Variants in PXN observed in about 807,000 individuals in gnomAD.
The protein encoded by PXN is testicular tissue protein Li 134.
Under a neutral mutation model 103.6 loss-of-function variants are expected in PXN, and 61 were observed. The ratio of observed to expected loss-of-function variants is 0.59; its 90% CI spans 0.48 to 0.73. PXN has a LOEUF of 0.73. Among genes scored for constraint, PXN ranks in the 30% least tolerant of loss-of-function variants. The pLI, the probability that PXN is intolerant of heterozygous loss-of-function variation, is 0.00. For synonymous variants in PXN, 562 were observed against 607.8 expected (o/e 0.92, Z 1.11); for missense variants, 1,274 against 1,460.3 (o/e 0.87, Z 2.08).
intron 1 of PXN, among the ~76,000 whole-genome samples, chr12:120,237,316 G>A (rs1320687864): frequency 5.3e-5 from 8 of 151,830 alleles, no homozygotes; most frequent in East Asian, 1.9e-4. Context: ...GTGCCAACAC[G>A]CCCTGCTAAT....
intron 1 of PXN, among the ~76,000 whole-genome samples, chr12:120,251,244 A>G (rs1025006433): frequency 6.7e-6 from 1 of 149,306 alleles, no homozygotes; most frequent in African/African-American, 2.5e-5. Flanking sequence ...AAGGCCCGGC[A>G]TGGTGGCTCA....
chr12:120,263,113 AC>A (rs1371153759), intron 1 of PXN, among the ~76,000 whole-genome samples: 1 of 152,156 alleles, frequency 6.6e-6, no homozygotes, highest in Non-Finnish European at 1.5e-5. Flanking sequence ...CAGGAGGCAC[AC>A]GGCTGAGAGC....
Position 120,220,533 on chromosome 12 carries a change from C to T in PXN, c.832-442G>A, listed in dbSNP as rs1884802522. On this transcript the variant is annotated intron_variant, in intron 6 of 14. Coordinates refer to ENST00000637617, the MANE Select transcript of PXN (RefSeq NM_001385981.1). The surrounding 1 kb of genome is among the most constrained non-coding windows in gnomAD (Gnocchi z 6.1). ...CTACACCCCAAGTCCTCTACGTCTT[C>T]CACATCCTTGCTCCAGGGATCTGAC... Among the ~76,000 whole-genome samples, 1 of 152,208 alleles carries T rather than the reference C, an allele frequency of 6.6e-6. No homozygotes were observed. Among genetic ancestry groups the T allele is most frequent in the Non-Finnish European group, 1.5e-5 (1 of 68,046 alleles).
At chr12:120,242,563 C>A (rs535967703) in intron 1 of PXN, among the ~76,000 whole-genome samples, 133 of 152,302 alleles carry the variant, frequency 8.7e-4, no homozygotes, top group African/African-American at 2.8e-3. Context: ...CCAGCCCCAG[C>A]TGACCACAGA....
chr12:120,229,390 G>A lies in PXN; in HGVS notation c.14-5013C>T, dbSNP rs537022624. On this transcript the variant is annotated intron_variant, in intron 1 of 14. Transcript: ENST00000637617. The surrounding 1 kb of genome is among the most constrained non-coding windows in gnomAD (Gnocchi z 4.0). Reference sequence around the variant, plus strand: ...GCTGGACAGGTGCCAAGAGAGAGGAGATAAAAGTCCATCTCTCTGAGGGGG... The same window carrying A: ...GCTGGACAGGTGCCAAGAGAGAGGAAATAAAAGTCCATCTCTCTGAGGGGG... Among the ~76,000 whole-genome samples, 1 of 152,286 alleles carries A rather than the reference G, an allele frequency of 6.6e-6. No homozygotes were observed. The highest frequency in any genetic ancestry group is 2.4e-5 in the African/African-American group (1 of 41,548).
chr12:120,241,867 G>A (rs1890206578), intron 1 of PXN, among the ~76,000 whole-genome samples: 1 of 152,226 alleles, frequency 6.6e-6, no homozygotes, highest in South Asian at 2.1e-4. Context: ...CACTCAGGCA[G>A]GGGAGATCAG....
Position 120,222,440 on chromosome 12 carries a change from G to A in PXN, c.695+109C>T, listed in dbSNP as rs1319092208. 2 of 1,237,614 alleles carry A rather than the reference G, an allele frequency of 1.6e-6. No individual in the cohort carries two copies. Among genetic ancestry groups the A allele is most frequent in the Non-Finnish European group, 2.2e-6 (2 of 906,720 alleles). 76.7% of individuals were successfully genotyped at this position (1,237,614 alleles called of 1,614,324 possible). A position where few individuals can be genotyped will look rare whatever the true frequency, so the allele number is the denominator to read the frequency against. On this transcript the variant is annotated intron_variant, in intron 5 of 14. Transcript: ENST00000637617. This position sits in a 1 kb window ranked among gnomAD's most constrained non-coding sequence, Gnocchi z 4.7. ...CTATCCCCCCAGTGCCTGGCAAATG[G>A]CAGACACGGGAGGGAGTGGGTGATA...
At chr12:120,245,539 G>C (rs550180475) in intron 1 of PXN, among the ~76,000 whole-genome samples, 1 of 151,982 alleles carries the variant, frequency 6.6e-6, no homozygotes, top group South Asian at 2.1e-4. Context: ...TGTAATCCCA[G>C]CACTTTGGGA....
intron 1 of PXN, among the ~76,000 whole-genome samples, chr12:120,256,379 G>A (rs1425041697): frequency 6.6e-6 from 1 of 151,992 alleles, no homozygotes; most frequent in African/African-American, 2.4e-5. Flanking sequence ...CTTCATCCTG[G>A]GCAAGAGAAC....
rs1358179798 is a variant in PXN, at chr12:120,224,951, A to C, written c.14-574T>G. The C allele has an allele frequency of 2.9e-6, 1 of 347,690 alleles. No individual in the cohort carries two copies. Among genetic ancestry groups the C allele is most frequent in the Non-Finnish European group, 5.7e-6 (1 of 174,302 alleles). 21.5% of individuals were successfully genotyped at this position (347,690 alleles called of 1,614,324 possible). On this transcript the variant is annotated intron_variant, in intron 1 of 14. Coordinates refer to ENST00000637617, the MANE Select transcript of PXN (RefSeq NM_001385981.1). This position sits in a 1 kb window ranked among gnomAD's most constrained non-coding sequence, Gnocchi z 5.0. Reference sequence around the variant, plus strand: ...GGCTTATGGGGTAAGGTGTGCGGGGAGGTGGGGGCTGGAGTGAGGCTGGTG... The same window carrying C: ...GGCTTATGGGGTAAGGTGTGCGGGGCGGTGGGGGCTGGAGTGAGGCTGGTG...
intron 1 of PXN, among the ~76,000 whole-genome samples, chr12:120,257,301 GCTC>G (rs1893166600): frequency 6.6e-6 from 1 of 152,120 alleles, no homozygotes; most frequent in South Asian, 2.1e-4. Context: ...AATTACCTGA[GCTC>G]CAGCCAAGAA....
rs1885333481 is a variant in PXN at position 120,222,078 on chromosome 12, T to G, written c.696-320A>C. The stretch of plus-strand genomic sequence containing the variant: ...TACTGCAGTAACACGACGGCACTGG[T>G]AAGAGCTCGCGTGTTGGGCACTCAC... On this transcript the variant is annotated intron_variant, in intron 5 of 14. Transcript: ENST00000637617. The surrounding 1 kb of genome is among the most constrained non-coding windows in gnomAD (Gnocchi z 4.7). Among the ~76,000 whole-genome samples, 1 of 152,150 alleles carries G rather than the reference T, an allele frequency of 6.6e-6. No individual in the cohort carries two copies. Among genetic ancestry groups the G allele is most frequent in the Non-Finnish European group, 1.5e-5 (1 of 68,008 alleles).
In PXN at chr12:120,217,206, A is replaced by G. The variant is rs1883424318; in HGVS notation, c.1717-90T>C. The G allele has an allele frequency of 8.9e-7, 1 of 1,119,388 alleles. No homozygotes were observed. Among genetic ancestry groups the G allele is most frequent in the South Asian group, 1.4e-5 (1 of 72,922 alleles). 69.3% of individuals were successfully genotyped at this position (1,119,388 alleles called of 1,614,324 possible). On this transcript the variant is annotated intron_variant, in intron 7 of 14. Transcript: ENST00000637617. The surrounding 1 kb of genome is among the most constrained non-coding windows in gnomAD (Gnocchi z 4.1). Reference sequence around the variant, plus strand: ...CACACTCAGATGCCTCAGGAGAGGGAGCACAAAAGAAAACCACCAAAGAAC... The same window carrying G: ...CACACTCAGATGCCTCAGGAGAGGGGGCACAAAAGAAAACCACCAAAGAAC...
At chr12:120,233,399 C>T (rs1328429734) in intron 1 of PXN, among the ~76,000 whole-genome samples, 6 of 152,090 alleles carry the variant, frequency 3.9e-5, no homozygotes, top group Non-Finnish European at 4.4e-5. Flanking sequence ...CTCCACCTCC[C>T]GGGTTCAAAT....
intron 1 of PXN, among the ~76,000 whole-genome samples, chr12:120,240,094 C>T (rs946451550): frequency 6.6e-6 from 1 of 152,120 alleles, no homozygotes; most frequent in African/African-American, 2.4e-5. Flanking sequence ...GCTCAGTTCC[C>T]TCATCTATAG....
Position 120,265,572 on chromosome 12 carries a change from T to C in PXN, c.13+45A>G, listed in dbSNP as rs1312400379. 8 of 1,478,428 alleles carry C rather than the reference T, an allele frequency of 5.4e-6. No homozygotes were observed. The East Asian group carries it at 2.1e-4, about 39-fold the overall frequency. 91.6% of individuals were successfully genotyped at this position (1,478,428 alleles called of 1,614,324 possible). On this transcript the variant is annotated intron_variant, in intron 1 of 14. Coordinates refer to ENST00000637617, the MANE Select transcript of PXN (RefSeq NM_001385981.1). The surrounding 1 kb of genome is among the most constrained non-coding windows in gnomAD (Gnocchi z 5.7). Reference sequence around the variant, plus strand: ...CGCTGGCGCCCTCCTGGCCCCAAGCTGCGCGCCTCTCGCCTCCTCCTCCCT... The same window carrying C: ...CGCTGGCGCCCTCCTGGCCCCAAGCCGCGCGCCTCTCGCCTCCTCCTCCCT...
At chr12:120,256,421 G>A (rs562823977) in intron 1 of PXN, among the ~76,000 whole-genome samples, 6 of 152,050 alleles carry the variant, frequency 3.9e-5, no homozygotes, top group Admixed American at 3.3e-4. Flanking sequence ...AAGAAGAGAA[G>A]AGAAGGAGAG....
chr12:120,235,528 A>G (rs1341306517), intron 1 of PXN, among the ~76,000 whole-genome samples: 1 of 152,096 alleles, frequency 6.6e-6, no homozygotes, highest in Non-Finnish European at 1.5e-5. Context: ...GATCGCTTTC[A>G]GCAGCTGTCC....
At position 120,243,919 on chromosome 12, in the gene PXN, T is replaced by C. The variant is rs148076670; in HGVS notation, c.14-19542A>G. On this transcript the variant is annotated intron_variant, in intron 1 of 14. Coordinates refer to ENST00000637617, the MANE Select transcript of PXN (RefSeq NM_001385981.1). ...TGGGTAGGGAGTACGCCTATATTCA[T>C]CTTCATCTGAGCATTGGGCAGAGCC... is the stretch of plus-strand genomic sequence containing the variant. Among the ~76,000 whole-genome samples the C allele has an allele frequency of 2.3e-3, 344 of 152,110 alleles. 2 individuals carry two copies. Among genetic ancestry groups the C allele is most frequent in the African/African-American group, 7.8e-3 (323 of 41,468 alleles).
Sources: allele counts gnomAD v4.1 joint callset (sites outside exome capture counted in the v4.1 genomes callset), GRCh38; gene constraint gnomAD v4.1.1; non-coding constraint Gnocchi (gnomAD v3.1); transcripts MANE v1.5; gene names NCBI Gene and HGNC (gene_info 2026-07-23, HGNC 2026-07-21).